The following MAGI2 variants were observed in gnomAD, a reference collection of about 807,000 sequenced individuals.
MAGI2 encodes the protein membrane associated guanylate kinase, WW and PDZ domain containing 2, also known as membrane-associated guanylate kinase, WW and PDZ domain-containing protein 2.
A neutral mutation model predicts 133.3 loss-of-function variants in MAGI2; 35 were observed. The observed-to-expected ratio is 0.26, with a 90% CI of 0.20 to 0.35. The LOEUF is 0.35. MAGI2 is among the 10% of genes least tolerant of loss of function. MAGI2 has a pLI of 1.00. For synonymous variants in MAGI2, 729 were observed against 710.6 expected (o/e 1.03, Z -0.41); for missense variants, 1,636 against 1,863.4 (o/e 0.88, Z 2.25).
chr7:78,626,614 T>C (rs1808374803), intron 3 of MAGI2, among the ~76,000 whole-genome samples: 1 of 152,050 alleles, frequency 6.6e-6, no homozygotes, highest in African/African-American at 2.4e-5. Context: ...AGCTTTGGAG[T>C]TCATTCACAG....
intron 2 of MAGI2, among the ~76,000 whole-genome samples, chr7:78,722,788 G>C (rs1021892376): frequency 1.3e-5 from 2 of 152,092 alleles, no homozygotes; most frequent in Non-Finnish European, 2.9e-5. Flanking sequence ...TTGTCTAAGA[G>C]TCTTGAACTC....
At chr7:78,645,050 C>T (rs1356194035) in intron 2 of MAGI2, among the ~76,000 whole-genome samples, 1 of 80,110 alleles carries the variant, frequency 1.2e-5, no homozygotes, top group African/African-American at 3.6e-5. Flanking sequence ...ATAACTAAAG[C>T]ATGTTTTATG....
intron 10 of MAGI2, among the ~76,000 whole-genome samples, chr7:78,249,694 T>C (rs1792178811): frequency 6.6e-6 from 1 of 151,826 alleles, no homozygotes; most frequent in Non-Finnish European, 1.5e-5. Context: ...TGGATAGCAG[T>C]GGCTGGGGAG....
intron 2 of MAGI2, among the ~76,000 whole-genome samples, chr7:78,754,056 C>T (rs1024557727): frequency 1.3e-5 from 2 of 152,064 alleles, no homozygotes; most frequent in African/African-American, 4.8e-5. Flanking sequence ...TGGAAACTTG[C>T]ATATTTAGGA....
At chr7:78,882,251 A>G (rs1218023946) in intron 2 of MAGI2, among the ~76,000 whole-genome samples, 1 of 151,876 alleles carries the variant, frequency 6.6e-6, no homozygotes, top group East Asian at 1.9e-4. Flanking sequence ...TATGCCCACA[A>G]ACTAGAAAAT....
rs1398253543 is a variant in MAGI2 at position 79,385,917 on chromosome 7, A to G, written c.301+67103T>C. Among the ~76,000 whole-genome samples, 18 of 152,000 alleles carry G rather than the reference A, an allele frequency of 1.2e-4. No individual in the cohort carries two copies. In the Admixed American group the frequency reaches 1.2e-3, roughly 10 times the overall value. ...CGATAGTAACCATTTTACTCTCTCT[A>G]TGAATCCCATAACATTATGTTGTAA... On this transcript the variant is annotated intron_variant, in intron 1 of 21. Coordinates refer to ENST00000354212, the MANE Select transcript of MAGI2 (RefSeq NM_012301.4).
intron 1 of MAGI2, among the ~76,000 whole-genome samples, chr7:79,339,716 T>A (rs1444698233): frequency 6.6e-6 from 1 of 152,140 alleles, no homozygotes; most frequent in African/African-American, 2.4e-5. Context: ...ATTTCTTGAG[T>A]TGTGGCACAT....
chr7:78,927,986 T>G (rs2151649563), intron 2 of MAGI2, among the ~76,000 whole-genome samples: 1 of 152,046 alleles, frequency 6.6e-6, no homozygotes, highest in African/African-American at 2.4e-5. Context: ...TTTTTGCTGA[T>G]TCTGTTTGGG....
chr7:78,521,918 A>C (rs902050173), intron 3 of MAGI2, among the ~76,000 whole-genome samples: 1 of 152,160 alleles, frequency 6.6e-6, no homozygotes, highest in Non-Finnish European at 1.5e-5. Context: ...AGTCTTATGT[A>C]TTATTCCCAA....
intron 9 of MAGI2, among the ~76,000 whole-genome samples, chr7:78,329,312 C>A (rs1788926453): frequency 6.6e-6 from 1 of 152,204 alleles, no homozygotes; most frequent in South Asian, 2.1e-4. Context: ...CAAAGGTCTG[C>A]ATGGTAATTT....
intron 2 of MAGI2, among the ~76,000 whole-genome samples, chr7:78,832,314 T>C (rs1228962478): frequency 6.6e-6 from 1 of 152,188 alleles, no homozygotes; most frequent in Non-Finnish European, 1.5e-5. Flanking sequence ...CAACTAATAT[T>C]CATTGAATAC....
At chr7:78,288,484 A>G (rs3890972) in intron 9 of MAGI2, among the ~76,000 whole-genome samples, 1 of 152,166 alleles carries the variant, frequency 6.6e-6, no homozygotes, top group African/African-American at 2.4e-5. Context: ...TTCAGGAAAT[A>G]CGGTAAGGGC....
chr7:78,556,412 G>A (rs1162493560), intron 3 of MAGI2, among the ~76,000 whole-genome samples: 1 of 152,306 alleles, frequency 6.6e-6, no homozygotes, highest in Middle Eastern at 3.4e-3. Flanking sequence ...GATTTCACAG[G>A]CTTCAGGACT....
At chr7:78,317,109 C>T (rs891242668) in intron 9 of MAGI2, among the ~76,000 whole-genome samples, 1 of 152,192 alleles carries the variant, frequency 6.6e-6, no homozygotes, top group East Asian at 1.9e-4. Context: ...CATAAAACAA[C>T]TATTGCATAT....
In MAGI2 at chr7:78,019,629, G is replaced by T. The variant is rs1257568886; in HGVS notation, c.4054C>A (p.Leu1352Ile). ...RPASEARAPG[L>I]AAADAADAAR... is the part of the protein sequence containing the mutation. ...GCGTCCGCCGCGTCTGCCGCCGCGA[G>T]CCCGGGCGCCCTGGCCTCCGAGGCG... Residue 1352 changes from leucine (L) to isoleucine (I), a missense_variant, in exon 22 of 22, where the codon CTC becomes ATC. Leu to Ile is a conservative substitution (Grantham distance 5). Transcript: ENST00000354212. 9.9e-7 allele frequency: 1 copy of T among 1,010,222 alleles called. No homozygotes were observed. The highest frequency in any genetic ancestry group is 4.5e-5 in the South Asian group (1 of 22,246). 62.6% of individuals were successfully genotyped at this position (1,010,222 alleles called of 1,614,324 possible). A position where few individuals can be genotyped will look rare whatever the true frequency, so the allele number is the denominator to read the frequency against.
intron 1 of MAGI2, among the ~76,000 whole-genome samples, chr7:79,234,311 C>G (rs1831671511): frequency 6.6e-6 from 1 of 150,638 alleles, no homozygotes; most frequent in Non-Finnish European, 1.5e-5. Context: ...TTGTGGCGTT[C>G]TCTGTATTTC....
At chr7:78,639,398 A>C (rs937615383) in intron 2 of MAGI2, among the ~76,000 whole-genome samples, 1 of 152,208 alleles carries the variant, frequency 6.6e-6, no homozygotes, top group East Asian at 1.9e-4. Flanking sequence ...TCATGGAGGG[A>C]AGAAACAAAG....
intron 6 of MAGI2, among the ~76,000 whole-genome samples, chr7:78,430,498 C>A (rs970978510): frequency 4.0e-5 from 6 of 151,876 alleles, no homozygotes; most frequent in African/African-American, 1.2e-4. Context: ...CCCTCTATTT[C>A]TGAATATACT....
intron 2 of MAGI2, among the ~76,000 whole-genome samples, chr7:78,930,644 C>T (rs1334138311): frequency 2.6e-5 from 4 of 152,034 alleles, no homozygotes; most frequent in African/African-American, 9.7e-5. Flanking sequence ...AGAATCCATT[C>T]ATTACTTCTA....
Sources: gnomAD v4.1 joint callset for allele counts (sites outside exome capture counted in the v4.1 genomes callset) on GRCh38, gnomAD v4.1.1 for gene constraint, MANE v1.5 for transcripts, NCBI Gene and HGNC (gene_info 2026-07-23, HGNC 2026-07-21) for gene names.